The following MYO1E variants were observed in gnomAD, a reference collection of about 807,000 sequenced individuals.
MYO1E encodes the protein myosin IE.
In MYO1E, 68 loss-of-function variants were observed where a neutral mutation model predicts 151.1. That is an observed-to-expected ratio of 0.45 (90% CI 0.37 to 0.55). The LOEUF (loss-of-function observed/expected upper bound fraction) is 0.55. Among genes scored for constraint, MYO1E ranks in the 20% least tolerant of loss-of-function variants. The probability of loss-of-function intolerance (pLI) is 0.00; values close to 1 mark genes in which losing one functional copy is unlikely to be tolerated. For synonymous variants in MYO1E, 601 were observed against 501.7 expected, an observed-to-expected ratio of 1.20 and a Z score of -2.64; for missense variants, 1,363 against 1,389.3, an observed-to-expected ratio of 0.98 and a Z score of 0.30.
chr15:59,198,053 G>A (rs1453702296), intron 16 of MYO1E, among the ~76,000 whole-genome samples: 1 of 152,104 alleles, frequency 6.6e-6, no homozygotes, highest in Non-Finnish European at 1.5e-5. Context: ...TTTTTGTAGA[G>A]GTGGGGTCTC....
intron 3 of MYO1E, among the ~76,000 whole-genome samples, chr15:59,258,498 G>C (rs2080206829): frequency 6.6e-6 from 1 of 152,240 alleles, no homozygotes; most frequent in African/African-American, 2.4e-5. Context: ...TCAGTGACTG[G>C]CAGAAAAGTA....
intron 1 of MYO1E, among the ~76,000 whole-genome samples, chr15:59,299,592 T>C (rs1409636075): frequency 1.3e-5 from 2 of 152,228 alleles, no homozygotes; most frequent in African/African-American, 4.8e-5. Context: ...TGCCATAAGA[T>C]TCAATTCTTT....
chr15:59,316,692 G>A (rs1210090140), intron 1 of MYO1E, among the ~76,000 whole-genome samples: 2 of 152,202 alleles, frequency 1.3e-5, no homozygotes, highest in East Asian at 1.9e-4. Context: ...GTCATGTACG[G>A]ATTAGACATC....
chr15:59,336,587 T>A lies in MYO1E; in HGVS notation c.3+35911A>T, dbSNP rs35613170. On this transcript the variant is annotated intron_variant, in intron 1 of 27. Transcript: ENST00000288235. Reference sequence around the variant, plus strand: ...AGTAATTCACATAGTACACCCCTGGTCTTTTTTTGTTTTGTTTTGTTTTTT... The same window carrying A: ...AGTAATTCACATAGTACACCCCTGGACTTTTTTTGTTTTGTTTTGTTTTTT... Among the ~76,000 whole-genome samples the A allele has an allele frequency of 8.6e-3, 1,315 of 152,182 alleles. 3 individuals are homozygous for A. Among genetic ancestry groups the A allele is most frequent in the Non-Finnish European group, 0.014 (954 of 67,996 alleles).
intron 4 of MYO1E, among the ~76,000 whole-genome samples, chr15:59,249,445 T>C (rs2080150961): frequency 6.8e-6 from 1 of 147,326 alleles, no homozygotes; most frequent in African/African-American, 2.5e-5. Flanking sequence ...AAAAATCCGA[T>C]TTGTTACACT....
intron 1 of MYO1E, among the ~76,000 whole-genome samples, chr15:59,357,518 G>A (rs1389534146): frequency 1.3e-5 from 2 of 150,504 alleles, no homozygotes; most frequent in Non-Finnish European, 2.9e-5. Flanking sequence ...TCCGCCTCCC[G>A]GGTTCAAGCA....
chr15:59,183,020 C>T (rs1374974099), intron 18 of MYO1E, among the ~76,000 whole-genome samples: 1 of 152,196 alleles, frequency 6.6e-6, no homozygotes, highest in East Asian at 1.9e-4. Flanking sequence ...GAATCTAATG[C>T]CACCGCTGAT....
intron 1 of MYO1E, among the ~76,000 whole-genome samples, chr15:59,332,470 C>G (rs1381946910): frequency 1.3e-5 from 2 of 152,198 alleles, no homozygotes; most frequent in African/African-American, 4.8e-5. Flanking sequence ...CATTATGTGG[C>G]TGACACTAGG....
At chr15:59,172,385 T>A (rs2079600939) in intron 21 of MYO1E, among the ~76,000 whole-genome samples, 1 of 152,236 alleles carries the variant, frequency 6.6e-6, no homozygotes, top group East Asian at 1.9e-4. Flanking sequence ...ATGGTCAATG[T>A]GATGACAACA....
rs148057003 is a variant in MYO1E at position 59,219,532 on chromosome 15, A to G, written c.911-1445T>C. Among the ~76,000 whole-genome samples the G allele has an allele frequency of 4.6e-5, 7 of 152,370 alleles. 1 individual carries two copies. The East Asian group carries it at 1.3e-3, about 29-fold the overall frequency. On this transcript the variant is annotated intron_variant, in intron 9 of 27. Transcript: ENST00000288235. ...TGACATTTCTCAGTATACACCTTCCAATGAGATTAAGTCAGTGAATACATT... is the reference window on the plus strand; with the variant it reads ...TGACATTTCTCAGTATACACCTTCCGATGAGATTAAGTCAGTGAATACATT...
chr15:59,369,422 G>A (rs540356971), intron 1 of MYO1E, among the ~76,000 whole-genome samples: 9 of 152,300 alleles, frequency 5.9e-5, no homozygotes, highest in South Asian at 4.1e-4. Context: ...AGCACATAGC[G>A]GACCTACAGC....
chr15:59,253,862 A>G (rs2080179086), intron 4 of MYO1E, among the ~76,000 whole-genome samples: 1 of 151,796 alleles, frequency 6.6e-6, no homozygotes, highest in African/African-American at 2.4e-5. Flanking sequence ...ACAATTAGGC[A>G]ATGCCAGACT....
chr15:59,361,029 A>T (rs555556701), intron 1 of MYO1E, among the ~76,000 whole-genome samples: 2 of 152,302 alleles, frequency 1.3e-5, no homozygotes, highest in African/African-American at 4.8e-5. Flanking sequence ...TGGAGCTTGT[A>T]CCCTTGCTTT....
chr15:59,356,892 TTTG>T (rs2080856369), intron 1 of MYO1E, among the ~76,000 whole-genome samples: 1 of 79,194 alleles, frequency 1.3e-5, no homozygotes, highest in African/African-American at 5.2e-5. Context: ...TTTTTTTTTG[TTTG>T]TTTGTTTGTT....
At chr15:59,140,017 C>G (rs1304635827) in intron 26 of MYO1E, among the ~76,000 whole-genome samples, 1 of 152,074 alleles carries the variant, frequency 6.6e-6, no homozygotes, top group Non-Finnish European at 1.5e-5. Flanking sequence ...TTATCCAGAG[C>G]AGTTTCTCAA....
chr15:59,208,860 A>C lies in MYO1E; in HGVS notation c.1363-12T>G. The C allele has an allele frequency of 6.2e-7, 1 of 1,614,070 alleles. No individual in the cohort carries two copies. Among genetic ancestry groups the C allele is most frequent in the South Asian group, 1.1e-5 (1 of 91,088 alleles). On this transcript the variant is annotated splice_polypyrimidine_tract_variant and intron_variant, in intron 13 of 27. Coordinates refer to ENST00000288235, the MANE Select transcript of MYO1E (RefSeq NM_004998.4). ...ATGCCAGGAGGGTTCTGATGGGAGC[A>C]AGAAGGCAAGGCCCTAGTCACTGAC... is the stretch of plus-strand genomic sequence containing the variant.
intron 1 of MYO1E, among the ~76,000 whole-genome samples, chr15:59,313,085 G>A (rs1464997068): frequency 6.6e-6 from 1 of 152,180 alleles, no homozygotes; most frequent in Non-Finnish European, 1.5e-5. Context: ...AAGTCCTCCC[G>A]TAGATTCTGG....
intron 1 of MYO1E, among the ~76,000 whole-genome samples, chr15:59,367,506 C>T (rs1193307594): frequency 6.6e-6 from 1 of 152,172 alleles, no homozygotes; most frequent in Non-Finnish European, 1.5e-5. Context: ...CCATCCTACA[C>T]AGGTGTTGAG....
chr15:59,296,221 T>G (rs1170725549), intron 1 of MYO1E, among the ~76,000 whole-genome samples: 1 of 152,176 alleles, frequency 6.6e-6, no homozygotes, highest in East Asian at 1.9e-4. Flanking sequence ...GACGAGGAAT[T>G]ACAGTAATCC....
Sources: allele counts gnomAD v4.1 joint callset (sites outside exome capture counted in the v4.1 genomes callset), GRCh38; gene constraint gnomAD v4.1.1; transcripts MANE v1.5; gene names NCBI Gene and HGNC (gene_info 2026-07-23, HGNC 2026-07-21).